PCDHAC2: variants seen among roughly 807,000 people sequenced by gnomAD.
PCDHAC2 encodes the protein protocadherin alpha subfamily C, 2, also known as protocadherin alpha-C2.
A neutral mutation model predicts 63.3 loss-of-function variants in PCDHAC2; 24 were observed. The ratio of observed to expected loss-of-function variants is 0.38; its 90% CI spans 0.27 to 0.53. The LOEUF is 0.53. Ranked by LOEUF, PCDHAC2 falls within the 20% of genes least tolerant of loss-of-function variation. PCDHAC2 has a pLI of 0.81. For synonymous variants in PCDHAC2, 569 were observed against 529.4 expected (o/e 1.07, Z -1.03); for missense variants, 1,181 against 1,275.2 (o/e 0.93, Z 1.12).
chr5:141,009,878 A>G lies in PCDHAC2; in HGVS notation c.2965A>G (p.Asn989Asp). Residue 989 changes from asparagine to aspartate, a missense_variant, in exon 4 of 4, where the codon AAC (asparagine) becomes GAC (aspartate). Coordinates refer to ENST00000289269, the MANE Select transcript of PCDHAC2 (RefSeq NM_018899.6). ...TKKKKKKKKG[N>D]KTQEKKEKGN... ...GAAAAAGAAGAAAAAGAAGAAGGGT[A>G]ACAAGACCCAGGAGAAAAAAGAGAA... is the stretch of plus-strand genomic sequence containing the variant. 4 of 1,613,898 alleles carry G rather than the reference A, an allele frequency of 2.5e-6. No homozygotes were observed. Among genetic ancestry groups the G allele is most frequent in the South Asian group, 1.1e-5 (1 of 91,050 alleles).
At chr5:140,969,982 G>T (rs1327490843) in intron 1 of PCDHAC2, among the ~76,000 whole-genome samples, 1 of 152,184 alleles carries the variant, frequency 6.6e-6, no homozygotes, top group Non-Finnish European at 1.5e-5. Flanking sequence ...CAACTCTTCT[G>T]TAGAGGGCTG....
chr5:140,968,293 G>A lies in PCDHAC2; in HGVS notation c.1527G>A (p.Leu509=). The A allele has an allele frequency of 6.2e-7, 1 of 1,613,962 alleles. No individual in the cohort carries two copies. Among genetic ancestry groups the A allele is most frequent in the South Asian group, 1.1e-5 (1 of 91,070 alleles). ...KENAEVTYSL[L]EREIQGLPVT... Reference sequence around the variant, plus strand: ...ATGCAGAGGTGACCTACTCCCTTCTGGAGAGGGAGATTCAAGGGCTGCCAG... The same window carrying A: ...ATGCAGAGGTGACCTACTCCCTTCTAGAGAGGGAGATTCAAGGGCTGCCAG... The change falls in exon 1 of 4, where the codon CTG becomes CTA. Residue 509 remains leucine (L), a synonymous_variant. Coordinates refer to ENST00000289269, the MANE Select transcript of PCDHAC2 (RefSeq NM_018899.6).
At position 140,967,845 on chromosome 5, in the gene PCDHAC2, A is replaced by G; in HGVS notation, c.1079A>G (p.Asp360Gly). The part of the protein sequence containing the change: ...KVLVDIVDVN[D>G]NAPEVVLTDL... Reference sequence around the variant, plus strand: ...CTGGTGGACATCGTGGACGTGAATGACAATGCCCCAGAGGTGGTGCTCACG... The same window carrying G: ...CTGGTGGACATCGTGGACGTGAATGGCAATGCCCCAGAGGTGGTGCTCACG... The change falls in exon 1 of 4, where the codon GAC becomes GGC. Residue 360 changes from aspartate to glycine, a missense_variant. Coordinates refer to ENST00000289269, the MANE Select transcript of PCDHAC2 (RefSeq NM_018899.6). 3 of 1,614,160 alleles carry G rather than the reference A, an allele frequency of 1.9e-6. No individual in the cohort carries two copies. The highest frequency in any genetic ancestry group is 2.5e-6 in the Non-Finnish European group (3 of 1,180,034).
intron 3 of PCDHAC2, among the ~76,000 whole-genome samples, chr5:140,984,963 A>T (rs1390500469): frequency 1.3e-5 from 2 of 151,890 alleles, no homozygotes; most frequent in Non-Finnish European, 2.9e-5. Context: ...TTTGAGACAG[A>T]GTCTCGCTCT....
chr5:140,987,790 A>AT (rs1409478213), intron 3 of PCDHAC2, among the ~76,000 whole-genome samples: 3 of 152,100 alleles, frequency 2.0e-5, no homozygotes, highest in Admixed American at 6.6e-5. Context: ...TATAGAGAAG[A>AT]TTTTTTTAAA....
intron 1 of PCDHAC2, among the ~76,000 whole-genome samples, chr5:140,972,862 T>C (rs781936892): frequency 2.0e-5 from 3 of 151,966 alleles, no homozygotes; most frequent in Non-Finnish European, 4.4e-5. Context: ...TGGGGTTTCA[T>C]CATGTTGTCC....
chr5:140,981,694 A>C (rs1407083166), intron 2 of PCDHAC2, among the ~76,000 whole-genome samples: 1 of 151,154 alleles, frequency 6.6e-6, no homozygotes, highest in Non-Finnish European at 1.5e-5. Context: ...TCCATCATTC[A>C]TTCATTCATT....
rs199955615 is a variant in PCDHAC2 at position 140,967,546 on chromosome 5, C to T, written c.780C>T (p.Ser260=). 11 of 1,613,824 alleles carry T rather than the reference C, an allele frequency of 6.8e-6. No individual in the cohort carries two copies. The highest frequency in any genetic ancestry group is 8.5e-6 in the Non-Finnish European group (10 of 1,179,916). The change falls in exon 1 of 4, where the codon TCC becomes TCT. Residue 260 remains serine, a synonymous_variant. Transcript: ENST00000289269. ...ACAACTCTCCTGCCTTTGACCAGTC[C>T]ACTTATCGCGTCCAGCTACGGGAGG... ...TNDNSPAFDQ[S]TYRVQLREDS...
chr5:140,967,040 C>G lies in PCDHAC2; in HGVS notation c.274C>G (p.Leu92Val). The change falls in exon 1 of 4, where the codon CTG (leucine) becomes GTG (valine). Residue 92 changes from leucine (L) to valine (V), a missense_variant. By Grantham distance (32) the Leu-to-Val change is conservative. Coordinates refer to ENST00000289269, the MANE Select transcript of PCDHAC2 (RefSeq NM_018899.6). ...TGCGCCCAGTCCGCGCTACCTGGAG[C>G]TGGACCTGACGAGTGGAGCGCTCTT... is the stretch of plus-strand genomic sequence containing the variant. ...LGAPSPRYLELDLTSGALFVN... is the reference protein window; with the variant it reads ...LGAPSPRYLEVDLTSGALFVN... The G allele has an allele frequency of 6.2e-7, 1 of 1,611,752 alleles. No homozygotes were observed. Among genetic ancestry groups the G allele is most frequent in the South Asian group, 1.1e-5 (1 of 91,042 alleles).
chr5:141,010,074 G>T lies in PCDHAC2; in HGVS notation c.*137G>T, dbSNP rs1444826216. The stretch of plus-strand genomic sequence containing the variant: ...CTCAGAAATCTGCAGAAAGTTCCCT[G>T]TGTCTGTCTAGAACGCATTTAACAG... On this transcript the variant is annotated 3_prime_UTR_variant, in exon 4 of 4. Coordinates refer to ENST00000289269, the MANE Select transcript of PCDHAC2 (RefSeq NM_018899.6). 6.8e-6 allele frequency: 11 copies of T among 1,607,726 alleles called. No individual in the cohort carries two copies. Among genetic ancestry groups the T allele is most frequent in the Non-Finnish European group, 9.3e-6 (11 of 1,176,762 alleles).
chr5:140,978,246 C>T (rs1243560833), intron 1 of PCDHAC2, among the ~76,000 whole-genome samples: 1 of 152,148 alleles, frequency 6.6e-6, no homozygotes, highest in Non-Finnish European at 1.5e-5. Flanking sequence ...TCAGCTACTC[C>T]CTGTTAAACA....
At chr5:140,995,999 G>A (rs1489207802) in intron 3 of PCDHAC2, among the ~76,000 whole-genome samples, 3 of 152,198 alleles carry the variant, frequency 2.0e-5, no homozygotes, top group Admixed American at 6.5e-5. Context: ...CAAAAATGTC[G>A]TCAGAACTAT....
At chr5:141,001,833 G>GAGACAGAGAGAGAGGTTGATT (rs1554258319) in intron 3 of PCDHAC2, among the ~76,000 whole-genome samples, 1 of 151,780 alleles carries the variant, frequency 6.6e-6, no homozygotes, top group East Asian at 1.9e-4. Context: ...GACAGAGAGG[G>GAGACAGAGAGAGAGGTTGATT]AGACAGAGAG....
At chr5:140,988,556 C>A (rs574182013) in intron 3 of PCDHAC2, among the ~76,000 whole-genome samples, 1 of 152,158 alleles carries the variant, frequency 6.6e-6, no homozygotes, top group South Asian at 2.1e-4. Flanking sequence ...TCTTCATCTT[C>A]TTCTTGGGAA....
At chr5:140,971,209 C>T (rs147218200) in intron 1 of PCDHAC2, among the ~76,000 whole-genome samples, 3 of 152,118 alleles carry the variant, frequency 2.0e-5, no homozygotes, top group African/African-American at 7.2e-5. Context: ...ACACTGTTAC[C>T]CTCCCTCTCC....
intron 3 of PCDHAC2, among the ~76,000 whole-genome samples, chr5:141,004,289 CAG>C (rs1383902638): frequency 1.3e-5 from 2 of 152,130 alleles, no homozygotes; most frequent in Non-Finnish European, 2.9e-5. Context: ...GCTGAGCTCT[CAG>C]AGATGTTTGT....
intron 1 of PCDHAC2, among the ~76,000 whole-genome samples, chr5:140,972,097 T>C (rs1554233843): frequency 1.3e-5 from 2 of 152,196 alleles, no homozygotes; most frequent in South Asian, 2.1e-4. Context: ...ATTTCTGGCA[T>C]AGAAGCAGGT....
chr5:140,996,557 T>C (rs1200836194), intron 3 of PCDHAC2, among the ~76,000 whole-genome samples: 3 of 152,226 alleles, frequency 2.0e-5, no homozygotes, highest in Admixed American at 6.5e-5. Context: ...GTCACTATCT[T>C]GAAGTTCTTG....
chr5:140,982,538 G>C lies in PCDHAC2; in HGVS notation c.2688G>C (p.Trp896Cys), dbSNP rs782094765. The change falls in exon 3 of 4, where the codon TGG becomes TGC. Residue 896 changes from tryptophan to cysteine, a missense_variant. Around this residue, in one of 3 missense-constraint regions of PCDHAC2, gnomAD observed 968 missense variants for 1,073.5 expected, o/e 0.90. Coordinates refer to ENST00000289269, the MANE Select transcript of PCDHAC2 (RefSeq NM_018899.6). ...GTCCAGGAGGGCCTGATCAGCAGTG[G>C]CCAACAGTATCCAGTGCAACACCAG... ...RAGPGGPDQQ[W>C]PTVSSATPEP... 1 of 1,614,166 alleles carries C rather than the reference G, an allele frequency of 6.2e-7. No individual in the cohort carries two copies.
Sources: gnomAD v4.1 joint callset for allele counts (sites outside exome capture counted in the v4.1 genomes callset) on GRCh38, gnomAD v4.1.1 for gene constraint, gnomAD v4.1.1 regional missense constraint, MANE v1.5 for transcripts, NCBI Gene and HGNC (gene_info 2026-07-23, HGNC 2026-07-21) for gene names.